The following PSIP1 variants were observed in gnomAD, a reference collection of about 807,000 sequenced individuals.
PSIP1 encodes the protein PC4 and SFRS1-interacting protein.
In PSIP1, 19 loss-of-function variants were observed where a neutral mutation model predicts 74.7. That is an observed-to-expected ratio of 0.25 (90% CI 0.18 to 0.37). The LOEUF is 0.37. Ranked by LOEUF, PSIP1 falls within the 10% of genes least tolerant of loss-of-function variation. The pLI is 1.00. For missense variants in PSIP1, 601 were observed against 614.3 expected, an observed-to-expected ratio of 0.98 and a Z score of 0.23; for synonymous variants, 222 against 195.3, an observed-to-expected ratio of 1.14 and a Z score of -1.14.
intron 3 of PSIP1, among the ~76,000 whole-genome samples, chr9:15,498,406 G>A (rs570222581): frequency 1.3e-5 from 2 of 151,954 alleles, no homozygotes; most frequent in East Asian, 3.9e-4. Flanking sequence ...ACAGAGTGAG[G>A]CTCCGTTTCA....
At chr9:15,507,847 G>C (rs1350721422) in intron 2 of PSIP1, among the ~76,000 whole-genome samples, 2 of 152,082 alleles carry the variant, frequency 1.3e-5, no homozygotes, top group African/African-American at 4.8e-5. Context: ...AAGTCTAAAG[G>C]CTTTCACACA....
intron 15 of PSIP1, 35 bp downstream of exon 15, chr9:15,466,710 TAAA>T (rs749910436): frequency 7.3e-6 from 11 of 1,500,972 alleles, no homozygotes; most frequent in Admixed American, 2.0e-5. Flanking sequence ...ACCTGAATAA[TAAA>T]AAACACACAA....
At chr9:15,468,304 A>C in intron 14 of PSIP1, 1 of 566,474 alleles carries the variant, frequency 1.8e-6, no homozygotes, top group Admixed American at 1.9e-5. Flanking sequence ...AGAAAACAGA[A>C]GCAGCTGAGC....
chr9:15,487,048 GA>G, intron 4 of PSIP1, 117 bp from the exon 5 acceptor site: 2 of 580,724 alleles, frequency 3.4e-6, no homozygotes, highest in Non-Finnish European at 5.4e-6. Flanking sequence ...ACCCAGGCTG[GA>G]GGCAGTGGCG....
intron 6 of PSIP1, among the ~76,000 whole-genome samples, chr9:15,484,380 C>T (rs1329508419): frequency 1.3e-5 from 2 of 151,812 alleles, no homozygotes; most frequent in Admixed American, 6.6e-5. Context: ...GGGCAGATCA[C>T]CTGAGGTCAG....
intron 14 of PSIP1, among the ~76,000 whole-genome samples, chr9:15,467,161 T>C (rs2035674392): frequency 6.6e-6 from 1 of 152,240 alleles, no homozygotes; most frequent in African/African-American, 2.4e-5. Flanking sequence ...ATTCTGGTTG[T>C]TACTATTACC....
intron 10 of PSIP1, among the ~76,000 whole-genome samples, 178 bp from the exon 11 acceptor site, chr9:15,470,171 C>CTT (rs887218571): frequency 2.6e-4 from 39 of 150,160 alleles, no homozygotes; most frequent in South Asian, 1.7e-3. Flanking sequence ...AAGCAAAACT[C>CTT]TAATTAACAT....
intron 3 of PSIP1, chr9:15,505,740 G>C (rs76254375): frequency 6.6e-6 from 1 of 152,136 alleles, no homozygotes; most frequent in African/African-American, 2.4e-5. Context: ...CATCTCAATA[G>C]AGCTATTAAA....
intron 4 of PSIP1, among the ~76,000 whole-genome samples, chr9:15,489,608 CA>C (rs1278277874): frequency 0.16 from 7,501 of 45,494 alleles, 177 homozygotes; most frequent in African/African-American, 0.25. Context: ...AACTACACCT[CA>C]AAAAAAAAAA....
In PSIP1 at chr9:15,510,119, G is replaced by C; in HGVS notation, c.70C>G (p.Arg24Gly). ...CGCGAGGGCTACAAATCACTTACTC[G>C]AGCTGGCCAATGGGGATAACCTTTC... is the stretch of plus-strand genomic sequence containing the variant. The part of the protein sequence containing the change: ...KMKGYPHWPA[R>G]VDEVPDGAVK... Residue 24 changes from arginine (R) to glycine (G), a missense_variant and splice_region_variant, in exon 2 of 16, where the codon CGA (arginine) becomes GGA (glycine). By Grantham distance (125) the Arg-to-Gly change is moderately radical (BLOSUM62 -2). Coordinates refer to ENST00000380733, the MANE Select transcript of PSIP1 (RefSeq NM_033222.5). The C allele has an allele frequency of 6.2e-7, 1 of 1,603,342 alleles. No homozygotes were observed. The highest frequency in any genetic ancestry group is 8.5e-7 in the Non-Finnish European group (1 of 1,174,888).
rs575890855 is a variant in PSIP1, at chr9:15,506,849, A to G, written c.73-212T>C. On this transcript the variant is annotated intron_variant, in intron 2 of 15. Coordinates refer to ENST00000380733, the MANE Select transcript of PSIP1 (RefSeq NM_033222.5). Reference sequence around the variant, plus strand: ...TCATTTGGTGGCAAAACCTGGACTGACATTGAGGGTATCAGTCATTTCTTT... The same window carrying G: ...TCATTTGGTGGCAAAACCTGGACTGGCATTGAGGGTATCAGTCATTTCTTT... Among the ~76,000 whole-genome samples, 191 of 152,330 alleles carry G rather than the reference A, an allele frequency of 1.3e-3. 1 individual carries two copies. Among genetic ancestry groups the G allele is most frequent in the African/African-American group, 4.3e-3 (179 of 41,556 alleles).
At chr9:15,500,518 A>T (rs2037292360) in intron 3 of PSIP1, among the ~76,000 whole-genome samples, 1 of 152,198 alleles carries the variant, frequency 6.6e-6, no homozygotes, top group Non-Finnish European at 1.5e-5. Flanking sequence ...ATTTGGTGTA[A>T]AATTTAAGAG....
chr9:15,480,364 A>T (rs1281342644), intron 6 of PSIP1, among the ~76,000 whole-genome samples: 2 of 152,242 alleles, frequency 1.3e-5, no homozygotes, highest in South Asian at 4.1e-4. Flanking sequence ...AACTCCCCCA[A>T]CTATTTAGAA....
chr9:15,467,904 A>C (rs2665511), intron 14 of PSIP1, among the ~76,000 whole-genome samples: 16,791 of 152,022 alleles, frequency 0.11, 1,693 homozygotes, highest in African/African-American at 0.27. Context: ...GTGGATTACC[A>C]TAGGTCGGGA....
At chr9:15,499,779 C>A (rs1230651327) in intron 3 of PSIP1, among the ~76,000 whole-genome samples, 1 of 151,068 alleles carries the variant, frequency 6.6e-6, no homozygotes, top group Admixed American at 6.6e-5. Flanking sequence ...GAGGCTGAGG[C>A]AGGAGAATCG....
intron 4 of PSIP1, among the ~76,000 whole-genome samples, chr9:15,489,640 A>C (rs995136343): frequency 6.6e-6 from 1 of 151,466 alleles, no homozygotes; most frequent in Non-Finnish European, 1.5e-5. Context: ...AAATTTAATT[A>C]ATTAATTAAA....
intron 3 of PSIP1, among the ~76,000 whole-genome samples, chr9:15,503,104 T>C (rs2037418896): frequency 6.6e-6 from 1 of 152,238 alleles, no homozygotes; most frequent in Non-Finnish European, 1.5e-5. Context: ...CAGAGGCTCA[T>C]ACCTGTAATC....
At chr9:15,477,278 T>C (rs1002585082) in intron 8 of PSIP1, among the ~76,000 whole-genome samples, 3 of 152,194 alleles carry the variant, frequency 2.0e-5, no homozygotes, top group African/African-American at 7.2e-5. Context: ...GATGTACGTA[T>C]ACACTGTGGA....
intron 2 of PSIP1, among the ~76,000 whole-genome samples, chr9:15,509,469 T>A (rs1429867190): frequency 6.6e-6 from 1 of 152,212 alleles, no homozygotes; most frequent in African/African-American, 2.4e-5. Flanking sequence ...GGTCCACACC[T>A]CCTTTTTGCC....
Sources: allele counts gnomAD v4.1 joint callset (sites outside exome capture counted in the v4.1 genomes callset), GRCh38; gene constraint gnomAD v4.1.1; transcripts MANE v1.5; gene names NCBI Gene and HGNC (gene_info 2026-07-23, HGNC 2026-07-21).